The following LPA variants were observed in gnomAD, a reference collection of about 807,000 sequenced individuals.
LPA encodes the protein apolipoprotein(a).
Under a neutral mutation model 197.9 loss-of-function variants are expected in LPA, and 199 were observed. That is an observed-to-expected ratio of 1.01 (90% CI 0.90 to 1.13). LPA has a LOEUF of 1.13. LPA is among the 50% of genes most tolerant of loss of function. LPA has a pLI of 0.00. For missense variants in LPA, 1,853 were observed against 1,785.8 expected, an observed-to-expected ratio of 1.04 and a Z score of -0.68; for synonymous variants, 715 against 639.5, an observed-to-expected ratio of 1.12 and a Z score of -1.78.
chr6:160,585,083 G>A lies in LPA; in HGVS notation c.4252C>T (p.His1418Tyr), dbSNP rs1443721827. 6 of 1,613,820 alleles carry A rather than the reference G, an allele frequency of 3.7e-6. No individual in the cohort carries two copies. Among genetic ancestry groups the A allele is most frequent in the Admixed American group, 3.3e-5 (2 of 60,008 alleles). The change falls in exon 26 of 39, where the codon CAT (histidine) becomes TAT (tyrosine). Residue 1418 changes from histidine (H) to tyrosine (Y), a missense_variant. Physicochemically the swap from His to Tyr is moderately conservative, Grantham distance 83 (BLOSUM62 2). This residue lies in a region of LPA where 1,737 missense variants were observed against 1,504.4 expected (regional missense o/e 1.15). Transcript: ENST00000316300. ...TATAATGGGATCCTCCGATGCCAAT[G>A]TGGTGTCATAGACGACCAAGACTGA... ...TCQSWSSMTP[H>Y]WHRRIPLYYP...
intron 30 of LPA, among the ~76,000 whole-genome samples, chr6:160,550,991 T>C (rs1778158970): frequency 6.6e-6 from 1 of 152,246 alleles, no homozygotes; most frequent in Non-Finnish European, 1.5e-5. Flanking sequence ...ATAAAGCTGC[T>C]ATGAATATTC....
Position 160,600,938 on chromosome 6 carries a change from G to T in LPA, c.3106C>A (p.Leu1036Ile). 1 of 1,612,894 alleles carries T rather than the reference G, an allele frequency of 6.2e-7. No individual in the cohort carries two copies. The highest frequency in any genetic ancestry group is 8.5e-7 in the Non-Finnish European group (1 of 1,179,972). The change falls in exon 19 of 39, where the codon CTA becomes ATA. Residue 1036 changes from leucine to isoleucine, a missense_variant. Physicochemically the swap from Leu to Ile is conservative, Grantham distance 5. Transcript: ENST00000316300. ...VPPNVILAPS[L>I]EAFFEQALTE... Reference sequence around the variant, plus strand: ...TTACCTTGTTCAAAAAAAGCCTCTAGGCTTGGAGCCAGAATAACATTCGGA... The same window carrying T: ...TTACCTTGTTCAAAAAAAGCCTCTATGCTTGGAGCCAGAATAACATTCGGA...
chr6:160,571,874 G>A (rs555798588), intron 28 of LPA, among the ~76,000 whole-genome samples: 2 of 152,224 alleles, frequency 1.3e-5, no homozygotes, highest in East Asian at 1.9e-4. Flanking sequence ...CTTTCTTCAC[G>A]GGGGTGAATG....
intron 26 of LPA, among the ~76,000 whole-genome samples, chr6:160,579,550 T>C (rs952677460): frequency 5.9e-5 from 9 of 152,142 alleles, no homozygotes; most frequent in African/African-American, 2.2e-4. Flanking sequence ...GTCAAGTGGC[T>C]ATGGATGAGT....
At chr6:160,549,075 C>G (rs980313559) in intron 30 of LPA, among the ~76,000 whole-genome samples, 1 of 152,098 alleles carries the variant, frequency 6.6e-6, no homozygotes, top group African/African-American at 2.4e-5. Context: ...AGAGTAAGTG[C>G]AAGTAGGGGA....
chr6:160,552,684 T>C (rs1390021253), intron 30 of LPA, among the ~76,000 whole-genome samples: 2 of 152,236 alleles, frequency 1.3e-5, no homozygotes, highest in African/African-American at 4.8e-5. Context: ...CAGGTTTTCA[T>C]GGTATATATC....
At chr6:160,634,793 T>A (rs992597540) in intron 7 of LPA, among the ~76,000 whole-genome samples, 1 of 150,312 alleles carries the variant, frequency 6.7e-6, no homozygotes, top group Non-Finnish European at 1.5e-5. Flanking sequence ...AAAAGCTTAC[T>A]GCGACAGAAA....
At position 160,602,994 on chromosome 6, in the gene LPA, G is replaced by GTT. The variant is rs10548212; in HGVS notation, c.2946-1898_2946-1897dup. On this transcript the variant is annotated intron_variant, in intron 18 of 38. Transcript: ENST00000316300. ...GTGATGTACAAAAGTGAATCATACA[G>GTT]TTTTTTTTTTTTTTTTTTTGGAAAT... Among the ~76,000 whole-genome samples the GTT allele has an allele frequency of 3.7e-3, 445 of 121,348 alleles. 5 individuals are homozygous for GTT. Among genetic ancestry groups the GTT allele is most frequent in the African/African-American group, 0.011 (374 of 33,558 alleles). The allele number at this position is 121,348 out of a possible 152,430, so 79.6% of individuals were successfully genotyped here. A position where few individuals can be genotyped will look rare whatever the true frequency, so the allele number is the denominator to read the frequency against.
At chr6:160,597,712 T>C (rs965897040) in intron 20 of LPA, among the ~76,000 whole-genome samples, 25 of 152,210 alleles carry the variant, frequency 1.6e-4, no homozygotes, top group Non-Finnish European at 2.9e-5. Context: ...AATCCAGCAA[T>C]GCAGTTATGA....
chr6:160,551,913 C>CCT (rs1778172314), intron 30 of LPA, among the ~76,000 whole-genome samples: 1 of 129,334 alleles, frequency 7.7e-6, no homozygotes, highest in African/African-American at 2.8e-5. Context: ...AACACATATC[C>CCT]TTTTTTTTTT....
intron 22 of LPA, among the ~76,000 whole-genome samples, chr6:160,592,332 C>T: frequency 6.6e-6 from 1 of 152,160 alleles, no homozygotes; most frequent in East Asian, 1.9e-4. Context: ...GTTATAAGGC[C>T]ATCCAGTGAA....
rs574008893 is a variant in LPA, at chr6:160,599,240, G to T, written c.3287+260C>A. 8.5e-5 allele frequency among the ~76,000 whole-genome samples: 13 copies of T among 152,248 alleles called. No individual in the cohort carries two copies. In the South Asian group the frequency reaches 2.5e-3, roughly 29 times the overall value. ...TGCCTGTAGTCCCAGCTGCTAGAGAGGCTGAAGCAGGAGAATGGTGTGAAC... is the reference window on the plus strand; with the variant it reads ...TGCCTGTAGTCCCAGCTGCTAGAGATGCTGAAGCAGGAGAATGGTGTGAAC... On this transcript the variant is annotated intron_variant, in intron 20 of 38. Coordinates refer to ENST00000316300, the MANE Select transcript of LPA (RefSeq NM_005577.4).
chr6:160,608,105 T>C (rs1779399615), intron 16 of LPA, among the ~76,000 whole-genome samples: 1 of 152,206 alleles, frequency 6.6e-6, no homozygotes, highest in Non-Finnish European at 1.5e-5. Context: ...TTTAAAAATA[T>C]ATAGAAATTT....
intron 35 of LPA, among the ~76,000 whole-genome samples, chr6:160,540,640 C>T (rs1777966605): frequency 6.6e-6 from 1 of 152,228 alleles, no homozygotes. Flanking sequence ...CCTGCTCCCA[C>T]TTTGCCCTCC....
chr6:160,583,142 T>C (rs1426544220), intron 26 of LPA, among the ~76,000 whole-genome samples: 2 of 152,152 alleles, frequency 1.3e-5, no homozygotes, highest in Non-Finnish European at 2.9e-5. Context: ...TAAATCTCCT[T>C]GCCAATTCTG....
chr6:160,572,081 C>G (rs1778572575), intron 28 of LPA, among the ~76,000 whole-genome samples: 1 of 152,226 alleles, frequency 6.6e-6, no homozygotes, highest in South Asian at 2.1e-4. Flanking sequence ...CCAGAATGCA[C>G]TGGTCTTCAC....
intron 36 of LPA, among the ~76,000 whole-genome samples, chr6:160,538,725 C>CT (rs1231485866): frequency 6.6e-6 from 1 of 152,158 alleles, no homozygotes; most frequent in East Asian, 1.9e-4. Context: ...AAGGCCCAGC[C>CT]TGTGATGCAG....
At chr6:160,543,693 T>C (rs890389531) in intron 33 of LPA, among the ~76,000 whole-genome samples, 4 of 152,238 alleles carry the variant, frequency 2.6e-5, no homozygotes, top group African/African-American at 9.6e-5. Context: ...ATCATTGTAC[T>C]AAAAGAGTAA....
Position 160,606,491 on chromosome 6 carries a change from G to A in LPA, c.2771C>T (p.Ala924Val). ...AGGCTCCTTACCTTGTTCAGAAGGA[G>A]CCTCTAGGCTTGGAATCGGGGTAAT... The part of the protein sequence containing the change: ...PTITPIPSLE[A>V]PSEQAPTEQR... The change falls in exon 17 of 39, where the codon GCT becomes GTT. Residue 924 changes from alanine (A) to valine (V), a missense_variant. Physicochemically the swap from Ala to Val is moderately conservative, Grantham distance 64. Transcript: ENST00000316300. 6.2e-7 allele frequency: 1 copy of A among 1,613,500 alleles called. No individual in the cohort carries two copies. The highest frequency in any genetic ancestry group is 1.1e-5 in the South Asian group (1 of 91,058).
Sources: gnomAD v4.1 joint callset for allele counts (sites outside exome capture counted in the v4.1 genomes callset) on GRCh38, gnomAD v4.1.1 for gene constraint, gnomAD v4.1.1 regional missense constraint, MANE v1.5 for transcripts, NCBI Gene and HGNC (gene_info 2026-07-23, HGNC 2026-07-21) for gene names.